Variants in TNXB observed in about 807,000 individuals in gnomAD.
TNXB encodes tenascin-X.
In TNXB, 183 loss-of-function variants were observed where a neutral mutation model predicts 340.5. That is an observed-to-expected ratio of 0.54 (90% CI 0.48 to 0.61). The LOEUF (loss-of-function observed/expected upper bound fraction) is 0.61, where lower values mean the gene tolerates loss of function less well. Among genes scored for constraint, TNXB ranks in the 20% least tolerant of loss-of-function variants. The pLI is 0.00. For synonymous variants in TNXB, 2,121 were observed against 2,314.5 expected (o/e 0.92, Z 2.40); for missense variants, 4,613 against 5,446.4 (o/e 0.85, Z 4.82).
At chr6:32,050,448 T>G in intron 26 of TNXB, 127 bp from the exon 27 acceptor site, 2 of 1,228,196 alleles carry the variant, frequency 1.6e-6, no homozygotes, top group Non-Finnish European at 1.1e-6. Context: ...AGCACAGCTC[T>G]TCATCCTCTC....
At position 32,076,584 on chromosome 6, in the gene TNXB, C is replaced by T. The variant is rs192014968; in HGVS notation, c.4375+2449G>A. Among the ~76,000 whole-genome samples, 40 of 152,362 alleles carry T rather than the reference C, an allele frequency of 2.6e-4. No individual in the cohort carries two copies. In the East Asian group the frequency reaches 5.2e-3, roughly 20 times the overall value. On this transcript the variant is annotated intron_variant, in intron 11 of 43. Coordinates refer to ENST00000644971, the MANE Select transcript of TNXB (RefSeq NM_001365276.2). Reference sequence around the variant, plus strand: ...ATGAATGAGCTGAGAAGATGCCAGACATGTTACATCACCACCTTTAACCGT... The same window carrying T: ...ATGAATGAGCTGAGAAGATGCCAGATATGTTACATCACCACCTTTAACCGT...
chr6:32,096,837 G>C lies in TNXB; in HGVS notation c.1016C>G (p.Thr339Arg). 1.9e-6 allele frequency: 3 copies of C among 1,601,146 alleles called. No individual in the cohort carries two copies. Among genetic ancestry groups the C allele is most frequent in the Non-Finnish European group, 2.6e-6 (3 of 1,175,332 alleles). Reference sequence around the variant, plus strand: ...GCCACAGTCCCAGGGGCAGCTCCGCGTACCACAGTCCTCGCCAGTGTAGCC... The same window carrying C: ...GCCACAGTCCCAGGGGCAGCTCCGCCTACCACAGTCCTCGCCAGTGTAGCC... ...DPGYTGEDCG[T>R]RSCPWDCGEG... The change falls in exon 3 of 44, where the codon ACG becomes AGG. Residue 339 changes from threonine to arginine, a missense_variant. Thr to Arg is a moderately conservative substitution (Grantham distance 71, BLOSUM62 -1). Around this residue, in one of 7 missense-constraint regions of TNXB, gnomAD observed 4,327 missense variants for 4,859.4 expected, o/e 0.89. Coordinates refer to ENST00000644971, the MANE Select transcript of TNXB (RefSeq NM_001365276.2).
Position 32,087,294 on chromosome 6 carries a change from C to T in TNXB, c.2780-1176G>A, listed in dbSNP as rs748475835. ...CGTAGGACTTGGAGGTCTGCCCCGC[C>T]CGCACCCCGTGGACCTCCACGTGGT... On this transcript the variant is annotated intron_variant, in intron 6 of 43. Coordinates refer to ENST00000644971, the MANE Select transcript of TNXB (RefSeq NM_001365276.2). This position sits in a 1 kb window ranked among gnomAD's most constrained non-coding sequence, Gnocchi z 9.0. 1 of 501,648 alleles carries T rather than the reference C, an allele frequency of 2.0e-6. No individual in the cohort carries two copies. Among genetic ancestry groups the T allele is most frequent in the South Asian group, 1.5e-5 (1 of 68,634 alleles). The allele number at this position is 501,648 out of a possible 1,614,324, so 31.1% of individuals were successfully genotyped here.
In TNXB at chr6:32,079,205, A is replaced by G. The variant is rs754879693; in HGVS notation, c.4203T>C (p.Ser1401=). 1 of 1,613,718 alleles carries G rather than the reference A, an allele frequency of 6.2e-7. No individual in the cohort carries two copies. The highest frequency in any genetic ancestry group is 8.5e-7 in the Non-Finnish European group (1 of 1,179,868). The change falls in exon 11 of 44, where the codon TCT becomes TCC. Residue 1401 remains serine, a synonymous_variant. Transcript: ENST00000644971. The surrounding 1 kb of genome is among the most constrained non-coding windows in gnomAD (Gnocchi z 7.1). ...FWTVPQGSFD[S]FTVQYKDRDG... ...CCCTGTCCTTGTACTGCACGGTGAAAGAGTCGAAGCTGCCCTGGGGGACGG... is the reference window on the plus strand; with the variant it reads ...CCCTGTCCTTGTACTGCACGGTGAAGGAGTCGAAGCTGCCCTGGGGGACGG...
intron 1 of TNXB, among the ~76,000 whole-genome samples, chr6:32,104,809 AT>A (rs1419610265): frequency 1.3e-5 from 2 of 150,826 alleles, no homozygotes; most frequent in Non-Finnish European, 3.0e-5. Context: ...CTAATTTTTA[AT>A]TTTTTTTGCA....
chr6:32,046,199 G>T lies in TNXB; in HGVS notation c.10582C>A (p.Pro3528Thr). ...YGLLGGKRLG[P>T]VSALGMTAPE... ...CCTGTCATTCCCAGGGCAGAGACCG[G>T]GCCCAGGCGCTTTCCCCCAAGGAGC... Residue 3528 changes from proline (P) to threonine (T), a missense_variant, in exon 31 of 44, where the codon CCG becomes ACG. By Grantham distance (38) the Pro-to-Thr change is conservative (BLOSUM62 -1). This residue lies in a region of TNXB where 4,327 missense variants were observed against 4,859.4 expected (regional missense o/e 0.89). Transcript: ENST00000644971. The surrounding 1 kb of genome is among the most constrained non-coding windows in gnomAD (Gnocchi z 6.9). 6.3e-7 allele frequency: 1 copy of T among 1,590,054 alleles called. No homozygotes were observed. Among genetic ancestry groups the T allele is most frequent in the South Asian group, 1.1e-5 (1 of 89,114 alleles).
In TNXB at chr6:32,046,261, A is replaced by G. The variant is rs1554310680; in HGVS notation, c.10520T>C (p.Leu3507Pro). 4 of 1,605,834 alleles carry G rather than the reference A, an allele frequency of 2.5e-6. No homozygotes were observed. Among genetic ancestry groups the G allele is most frequent in the Non-Finnish European group, 3.4e-6 (4 of 1,177,872 alleles). ...AAACTTGTATTTCTTGCCAGGCTCC[A>G]GGTCCTCTACGGTGACTGTGCGCTG... ...ADQRTVTVED[L>P]EPGKKYKFLL... Residue 3507 changes from leucine (L) to proline (P), a missense_variant, in exon 31 of 44, where the codon CTG (leucine) becomes CCG (proline). By Grantham distance (98) the Leu-to-Pro change is moderately conservative. Around this residue, in one of 7 missense-constraint regions of TNXB, gnomAD observed 4,327 missense variants for 4,859.4 expected, o/e 0.89. Transcript: ENST00000644971. The surrounding 1 kb of genome is among the most constrained non-coding windows in gnomAD (Gnocchi z 6.9).
intron 29 of TNXB, 104 bp from the exon 30 acceptor site, chr6:32,048,116 G>A: frequency 7.2e-7 from 1 of 1,393,490 alleles, no homozygotes; most frequent in South Asian, 1.4e-5. Flanking sequence ...GAACGGGAGG[G>A]TGACTGGGCC....
chr6:32,051,394 A>C lies in TNXB; in HGVS notation c.9116-1073T>G, dbSNP rs886372515. On this transcript the variant is annotated intron_variant, in intron 26 of 43. Transcript: ENST00000644971. This position sits in a 1 kb window ranked among gnomAD's most constrained non-coding sequence, Gnocchi z 4.7. ...CTCTGTGAGGATTCATGAATGCAAGAAAAATTCGCTTCAACAAATTCTAAG... is the reference window on the plus strand; with the variant it reads ...CTCTGTGAGGATTCATGAATGCAAGCAAAATTCGCTTCAACAAATTCTAAG... Among the ~76,000 whole-genome samples the C allele has an allele frequency of 6.6e-6, 1 of 152,252 alleles. No individual in the cohort carries two copies.
At chr6:32,103,160 C>T (rs1456475018) in intron 1 of TNXB, among the ~76,000 whole-genome samples, 1 of 152,104 alleles carries the variant, frequency 6.6e-6, no homozygotes, top group Non-Finnish European at 1.5e-5. Context: ...GTGGCTCATG[C>T]CTGTAATCTC....
Position 32,058,028 on chromosome 6 carries a change from T to TTCC in TNXB, c.7825+29_7825+30insGGA. ...AAGGGCACATTTTCTAGGGCTGTCT[T>TTCC]CCAACCCTGCCCCACCCACACTCAC... On this transcript the variant is annotated intron_variant, in intron 22 of 43. Transcript: ENST00000644971. The surrounding 1 kb of genome is among the most constrained non-coding windows in gnomAD (Gnocchi z 5.1). 4.4e-6 allele frequency: 7 copies of TTCC among 1,577,064 alleles called. No homozygotes were observed. Among genetic ancestry groups the TTCC allele is most frequent in the Non-Finnish European group, 6.0e-6 (7 of 1,162,882 alleles).
Position 32,049,515 on chromosome 6 carries a change from T to C in TNXB, c.9512A>G (p.Glu3171Gly). 6.2e-7 allele frequency: 1 copy of C among 1,612,122 alleles called. No homozygotes were observed. Among genetic ancestry groups the C allele is most frequent in the Non-Finnish European group, 8.5e-7 (1 of 1,179,732 alleles). Residue 3171 changes from glutamate to glycine, a missense_variant, in exon 28 of 44, where the codon GAG (glutamate) becomes GGG (glycine). By Grantham distance (98) the Glu-to-Gly change is moderately conservative (BLOSUM62 -2). Around this residue, in one of 7 missense-constraint regions of TNXB, gnomAD observed 4,327 missense variants for 4,859.4 expected, o/e 0.89. Transcript: ENST00000644971. The surrounding 1 kb of genome is among the most constrained non-coding windows in gnomAD (Gnocchi z 4.5). ...AGGGGAGGATCCTGTCACTGTCAACTCCCCCAGGAGCGGCTCCTCAGGGGC... is the reference window on the plus strand; with the variant it reads ...AGGGGAGGATCCTGTCACTGTCAACCCCCCCAGGAGCGGCTCCTCAGGGGC... ...PEAPEEPLLG[E>G]LTVTGSSPDS...
At chr6:32,104,989 T>C (rs1237766811) in intron 1 of TNXB, among the ~76,000 whole-genome samples, 1 of 152,116 alleles carries the variant, frequency 6.6e-6, no homozygotes, top group African/African-American at 2.4e-5. Flanking sequence ...ACAAACGCAA[T>C]CAGGATGTCC....
At position 32,051,479 on chromosome 6, in the gene TNXB, C is replaced by T. The variant is rs915224869; in HGVS notation, c.9116-1158G>A. On this transcript the variant is annotated intron_variant, in intron 26 of 43. Coordinates refer to ENST00000644971, the MANE Select transcript of TNXB (RefSeq NM_001365276.2). This position sits in a 1 kb window ranked among gnomAD's most constrained non-coding sequence, Gnocchi z 4.7. ...CTACAAAGGTGTTCTGTGATTTGCA[C>T]ACAAATATTCATAGCAGCATTATTC... Among the ~76,000 whole-genome samples, 5 of 152,206 alleles carry T rather than the reference C, an allele frequency of 3.3e-5. No homozygotes were observed. Among genetic ancestry groups the T allele is most frequent in the African/African-American group, 9.7e-5 (4 of 41,434 alleles).
At chr6:32,104,385 A>G (rs937234321) in intron 1 of TNXB, among the ~76,000 whole-genome samples, 7 of 151,996 alleles carry the variant, frequency 4.6e-5, no homozygotes, top group Admixed American at 1.3e-4. Context: ...TGTAACCTGA[A>G]CTCACGGTCA....
chr6:32,085,623 A>T lies in TNXB; in HGVS notation c.3148+127T>A. ...TTCCTTTTCTCTCCTTTTCTCCTCT[A>T]TCCAGCCCCAAACATCAGCCCTGCC... On this transcript the variant is annotated intron_variant, in intron 7 of 43. Coordinates refer to ENST00000644971, the MANE Select transcript of TNXB (RefSeq NM_001365276.2). The surrounding 1 kb of genome is among the most constrained non-coding windows in gnomAD (Gnocchi z 6.4). The T allele has an allele frequency of 8.8e-7, 1 of 1,136,618 alleles. No individual in the cohort carries two copies. The highest frequency in any genetic ancestry group is 2.6e-5 in the South Asian group (1 of 37,780). The allele number at this position is 1,136,618 out of a possible 1,614,324, so 70.4% of individuals were successfully genotyped here.
Position 32,068,203 on chromosome 6 carries a change from C to T in TNXB, c.6220+187G>A, listed in dbSNP as rs1778513154. Among the ~76,000 whole-genome samples the T allele has an allele frequency of 6.6e-6, 1 of 152,154 alleles. No individual in the cohort carries two copies. The highest frequency in any genetic ancestry group is 1.5e-5 in the Non-Finnish European group (1 of 68,020). ...ACCAGCACAGCAAAATTCCCGATGG[C>T]CCCTCTCTGTTCAGGAGGAGCCAGT... is the stretch of plus-strand genomic sequence containing the variant. On this transcript the variant is annotated intron_variant, in intron 17 of 43. Coordinates refer to ENST00000644971, the MANE Select transcript of TNXB (RefSeq NM_001365276.2). This position sits in a 1 kb window ranked among gnomAD's most constrained non-coding sequence, Gnocchi z 5.3.
At chr6:32,092,516 C>T (rs114043614) in intron 4 of TNXB, among the ~76,000 whole-genome samples, 295 of 152,216 alleles carry the variant, frequency 1.9e-3, no homozygotes, top group African/African-American at 6.6e-3. Context: ...TGAATATACT[C>T]TGTACCCACA....
Position 32,061,479 on chromosome 6 carries a change from C to T in TNXB, c.7410G>A (p.Glu2470=). 4 of 1,613,574 alleles carry T rather than the reference C, an allele frequency of 2.5e-6. No individual in the cohort carries two copies. Among genetic ancestry groups the T allele is most frequent in the African/African-American group, 1.3e-5 (1 of 74,870 alleles). The change falls in exon 21 of 44, where the codon GAG becomes GAA. Residue 2470 remains glutamate (E), a synonymous_variant. Transcript: ENST00000644971. This position sits in a 1 kb window ranked among gnomAD's most constrained non-coding sequence, Gnocchi z 4.4. The part of the protein sequence containing the change: ...EESEVTVGGL[E]PGRKYKMHLY... ...GGTGCATCTTGTATTTGCGCCCAGG[C>T]TCCAGGCCCCCCACGGTGACCTCGC...
Sources: gnomAD v4.1 joint callset for allele counts (sites outside exome capture counted in the v4.1 genomes callset) on GRCh38, gnomAD v4.1.1 for gene constraint, gnomAD v4.1.1 regional missense constraint, Gnocchi (gnomAD v3.1) non-coding constraint, MANE v1.5 for transcripts, NCBI Gene and HGNC (gene_info 2026-07-23, HGNC 2026-07-21) for gene names.